SOHLH2: variants seen among roughly 807,000 people sequenced by gnomAD.
SOHLH2 encodes spermatogenesis- and oogenesis-specific basic helix-loop-helix-containing protein 2.
Under a neutral mutation model 50.4 loss-of-function variants are expected in SOHLH2, and 22 were observed. The observed-to-expected ratio is 0.44, with a 90% CI of 0.31 to 0.62. The LOEUF is 0.62. Ranked by LOEUF, SOHLH2 falls within the 20% of genes least tolerant of loss-of-function variation. The pLI, the probability that SOHLH2 is intolerant of heterozygous loss-of-function variation, is 0.08. For synonymous variants in SOHLH2, 185 were observed against 187.3 expected (o/e 0.99, Z 0.10); for missense variants, 412 against 504.4 (o/e 0.82, Z 1.76).
chr13:36,201,907 C>G lies in SOHLH2; in HGVS notation c.235G>C (p.Glu79Gln). ...ATTAACTTGATGGCTTCCAGCTCCT[C>G]GGCACTTAGTGAAGAAGGCACCTTC... ...LLKVPSSLSA[E>Q]ELEAIKLIRF... The change falls in exon 2 of 11, where the codon GAG becomes CAG. Residue 79 changes from glutamate to glutamine, a missense_variant. By Grantham distance (29) the Glu-to-Gln change is conservative. Transcript: ENST00000379881. 6.2e-7 allele frequency: 1 copy of G among 1,614,214 alleles called. No homozygotes were observed. The highest frequency in any genetic ancestry group is 1.3e-5 in the African/African-American group (1 of 75,058).
intron 1 of SOHLH2, among the ~76,000 whole-genome samples, chr13:36,206,221 T>G (rs1247229653): frequency 6.6e-6 from 1 of 152,006 alleles, no homozygotes; most frequent in Non-Finnish European, 1.5e-5. Context: ...CCTCATGTGG[T>G]AAGTGTGGAT....
intron 1 of SOHLH2, among the ~76,000 whole-genome samples, chr13:36,211,862 G>C (rs1702558534): frequency 6.6e-6 from 1 of 152,202 alleles, no homozygotes; most frequent in Non-Finnish European, 1.5e-5. Context: ...CCAGGGGAGA[G>C]AGGAAAATGT....
At chr13:36,214,108 T>C (rs980321479) in intron 1 of SOHLH2, among the ~76,000 whole-genome samples, 3 of 151,918 alleles carry the variant, frequency 2.0e-5, no homozygotes, top group Admixed American at 6.6e-5. Flanking sequence ...CAATCTGCAA[T>C]TTTTGGATTC....
chr13:36,210,000 C>G (rs985692156), intron 1 of SOHLH2, among the ~76,000 whole-genome samples: 9 of 59,412 alleles, frequency 1.5e-4, no homozygotes, highest in South Asian at 6.8e-4. Context: ...CTCTGAAGAC[C>G]AAGTATGTTA....
chr13:36,177,624 A>G (rs1887128422), intron 6 of SOHLH2, among the ~76,000 whole-genome samples: 1 of 152,086 alleles, frequency 6.6e-6, no homozygotes, highest in Non-Finnish European at 1.5e-5. Flanking sequence ...CATACACAGT[A>G]GTATCCATTA....
intron 9 of SOHLH2, among the ~76,000 whole-genome samples, chr13:36,172,836 C>A (rs1886998149): frequency 6.6e-6 from 1 of 152,158 alleles, no homozygotes; most frequent in South Asian, 2.1e-4. Context: ...TCATCTAGGA[C>A]TGAGAGGCTG....
intron 10 of SOHLH2, 107 bp downstream of exon 10, chr13:36,170,424 T>C: frequency 1.4e-6 from 2 of 1,463,534 alleles, no homozygotes; most frequent in Non-Finnish European, 1.8e-6. Context: ...ATCAAGCTCT[T>C]AGGTCCCAGC....
At chr13:36,211,860 G>A (rs572803438) in intron 1 of SOHLH2, among the ~76,000 whole-genome samples, 1 of 152,326 alleles carries the variant, frequency 6.6e-6, no homozygotes, top group Admixed American at 6.5e-5. Context: ...GACCAGGGGA[G>A]AGAGGAAAAT....
At chr13:36,174,327 T>C (rs1887042917) in intron 8 of SOHLH2, 149 bp downstream of exon 8, 1 of 919,632 alleles carries the variant, frequency 1.1e-6, no homozygotes, top group Non-Finnish European at 1.6e-6. Context: ...TGCAACGAAA[T>C]GATACACATC....
intron 1 of SOHLH2, among the ~76,000 whole-genome samples, chr13:36,204,235 G>A (rs1868614949): frequency 6.6e-6 from 1 of 152,108 alleles, no homozygotes. Flanking sequence ...ACGGGTGTGA[G>A]CCACCGTGCC....
chr13:36,170,575 T>C lies in SOHLH2; in HGVS notation c.1213A>G (p.Thr405Ala), dbSNP rs1886935247. 1 of 1,614,078 alleles carries C rather than the reference T, an allele frequency of 6.2e-7. No homozygotes were observed. The highest frequency in any genetic ancestry group is 8.5e-7 in the Non-Finnish European group (1 of 1,179,984). ...PVSKLLPRHC[T>A]SGLGQTCTTH... ...GTGCACGTCTGGCCCAACCCAGAAGTGCAGTGCCGAGGGAGAAGCTTTGAG... is the reference window on the plus strand; with the variant it reads ...GTGCACGTCTGGCCCAACCCAGAAGCGCAGTGCCGAGGGAGAAGCTTTGAG... The change falls in exon 10 of 11, where the codon ACT (threonine) becomes GCT (alanine). Residue 405 changes from threonine (T) to alanine (A), a missense_variant. Coordinates refer to ENST00000379881, the MANE Select transcript of SOHLH2 (RefSeq NM_017826.3).
chr13:36,172,829 T>C (rs994283055), intron 9 of SOHLH2, among the ~76,000 whole-genome samples: 3 of 152,160 alleles, frequency 2.0e-5, no homozygotes, highest in African/African-American at 7.2e-5. Flanking sequence ...AGAAGTGTCA[T>C]CTAGGACTGA....
chr13:36,183,067 G>A, intron 6 of SOHLH2: 1 of 235,640 alleles, frequency 4.2e-6, no homozygotes, highest in East Asian at 1.0e-4. Context: ...AAGAGTTTGG[G>A]GCCTCTCCTT....
intron 1 of SOHLH2, 122 bp downstream of exon 1, chr13:36,214,357 C>G (rs1421746196): frequency 1.6e-6 from 2 of 1,222,060 alleles, no homozygotes; most frequent in Admixed American, 2.3e-5. Context: ...GCTATTCGCT[C>G]CCCACAGTTC....
At position 36,169,064 on chromosome 13, in the gene SOHLH2, A is replaced by C. The variant is rs906264425; in HGVS notation, c.1258-10T>G. On this transcript the variant is annotated splice_polypyrimidine_tract_variant and intron_variant, in intron 10 of 10. Transcript: ENST00000379881. The stretch of plus-strand genomic sequence containing the variant: ...ACGCCCAAAACTGTTGCTGCAAAGA[A>C]GGGGGAAAAACCCACATTAATTGAA... The C allele has an allele frequency of 3.7e-6, 6 of 1,606,582 alleles. No individual in the cohort carries two copies. Among genetic ancestry groups the C allele is most frequent in the Non-Finnish European group, 5.1e-6 (6 of 1,177,832 alleles).
chr13:36,180,785 C>T (rs934635818), intron 6 of SOHLH2, among the ~76,000 whole-genome samples: 6 of 151,874 alleles, frequency 4.0e-5, no homozygotes, highest in African/African-American at 1.2e-4. Context: ...TCTTATATCC[C>T]CACCGGTATG....
intron 6 of SOHLH2, among the ~76,000 whole-genome samples, chr13:36,185,616 C>A (rs902691917): frequency 1.3e-5 from 2 of 151,562 alleles, no homozygotes; most frequent in African/African-American, 4.9e-5. Flanking sequence ...ACTGACAAAC[C>A]TTTTTTTGCT....
chr13:36,205,890 T>C (rs1868729237), intron 1 of SOHLH2, among the ~76,000 whole-genome samples: 1 of 152,064 alleles, frequency 6.6e-6, no homozygotes, highest in Non-Finnish European at 1.5e-5. Context: ...TGATTAATGG[T>C]AAATTGAAGT....
chr13:36,190,555 G>A (rs1271993964), intron 5 of SOHLH2, among the ~76,000 whole-genome samples: 1 of 152,080 alleles, frequency 6.6e-6, no homozygotes, highest in Non-Finnish European at 1.5e-5. Flanking sequence ...CATTCTGATT[G>A]ATTTAAAAAT....
Sources: allele counts gnomAD v4.1 joint callset (sites outside exome capture counted in the v4.1 genomes callset), GRCh38; gene constraint gnomAD v4.1.1; transcripts MANE v1.5; gene names NCBI Gene and HGNC (gene_info 2026-07-23, HGNC 2026-07-21).